Variants in NKPD1 observed in about 807,000 individuals in gnomAD.
NKPD1 encodes NTPase KAP family P-loop domain containing 1.
A neutral mutation model predicts 42.2 loss-of-function variants in NKPD1; 37 were observed. The observed-to-expected ratio is 0.88, with a 90% CI of 0.67 to 1.15. The LOEUF is 1.15. Ranked by LOEUF, NKPD1 falls within the 50% of genes most tolerant of loss-of-function variation. NKPD1 has a pLI of 0.00. For synonymous variants in NKPD1, 552 were observed against 536.5 expected (o/e 1.03, Z -0.40); for missense variants, 1,113 against 1,174.6 (o/e 0.95, Z 0.77).
In NKPD1 at chr19:45,149,767, T is replaced by G. The variant is rs1369345589; in HGVS notation, c.*2171A>C. ...TCTCAATGTCCTAACACAGGAGATG[T>G]TTATTGTCACATGTGGATGTTCAGA... On this transcript the variant is annotated 3_prime_UTR_variant, in exon 5 of 5. Coordinates refer to ENST00000686631, the MANE Select transcript of NKPD1 (RefSeq NM_198478.4). 2 of 152,244 alleles carry G rather than the reference T, an allele frequency of 1.3e-5. No individual in the cohort carries two copies. The highest frequency in any genetic ancestry group is 3.9e-4 in the East Asian group (2 of 5,174). 9.4% of individuals were successfully genotyped at this position (152,244 alleles called of 1,614,324 possible). A position where few individuals can be genotyped will look rare whatever the true frequency, so the allele number is the denominator to read the frequency against.
Position 45,152,400 on chromosome 19 carries a change from C to T in NKPD1, c.2037G>A (p.Gln679=), listed in dbSNP as rs880751. ...CGCGGCCCTCGGGCGCGCCCCCGGT[C>T]TGCTGCCGGTCCTCCAGGCACTGCA... ...WALQCLEDRQ[Q]TGGAPEGRAR... The change falls in exon 5 of 5, where the codon CAG becomes CAA. Residue 679 remains glutamine (Q), a synonymous_variant. Transcript: ENST00000686631. 1.7e-3 allele frequency: 2,746 copies of T among 1,576,042 alleles called. 34 individuals carry two copies. The African/African-American group carries it at 0.032, about 18-fold the overall frequency.
Position 45,152,991 on chromosome 19 carries a change from G to C in NKPD1, c.1446C>G (p.Asp482Glu), listed in dbSNP as rs572544333. ...VLNAINTLLS[D>E]SHAPFIFILV... ...GGATGAAGATGAAGGGCGCGTGGCT[G>C]TCGGACAGCAGCGTGTTGATGGCGT... Residue 482 changes from aspartate (D) to glutamate (E), a missense_variant, in exon 5 of 5, where the codon GAC (aspartate) becomes GAG (glutamate). Around this residue, in one of 3 missense-constraint regions of NKPD1, gnomAD observed 867 missense variants for 870.1 expected, o/e 1.00. Coordinates refer to ENST00000686631, the MANE Select transcript of NKPD1 (RefSeq NM_198478.4). 1 of 1,585,826 alleles carries C rather than the reference G, an allele frequency of 6.3e-7. No homozygotes were observed. The highest frequency in any genetic ancestry group is 2.3e-5 in the East Asian group (1 of 43,332).
At chr19:45,162,486 A>G (rs1969026666), upstream of NKPD1, among the ~76,000 whole-genome samples, 1 of 152,104 alleles carries the variant, frequency 6.6e-6, no homozygotes, top group Non-Finnish European at 1.5e-5. Flanking sequence ...GAGTCCCCAG[A>G]TGCTACAGAT....
In NKPD1 at chr19:45,153,321, C is replaced by A; in HGVS notation, c.1116G>T (p.Pro372=). Residue 372 remains proline (P), a synonymous_variant, in exon 5 of 5, where the codon CCG becomes CCT. Transcript: ENST00000686631. ...CAAACACCTTGAGCAGGCTGCCGCTCGGGCTGCCGTGGCCCAGCGCGTGGC... is the reference window on the plus strand; with the variant it reads ...CAAACACCTTGAGCAGGCTGCCGCTAGGGCTGCCGTGGCCCAGCGCGTGGC... ...LGGHALGHGS[P]SGSLLKVFGG... is the part of the protein sequence containing the mutation. 1.3e-6 allele frequency: 2 copies of A among 1,572,022 alleles called. No individual in the cohort carries two copies. Among genetic ancestry groups the A allele is most frequent in the East Asian group, 2.3e-5 (1 of 42,640 alleles).
In NKPD1 at chr19:45,150,682, T is replaced by C. The variant is rs910617786; in HGVS notation, c.*1256A>G. 6.6e-6 allele frequency: 1 copy of C among 152,272 alleles called. No homozygotes were observed. The allele number at this position is 152,272 out of a possible 1,614,324, so 9.4% of individuals were successfully genotyped here. A position where few individuals can be genotyped will look rare whatever the true frequency, so the allele number is the denominator to read the frequency against. Reference sequence around the variant, plus strand: ...GCTTGCCCAGCCCCAGGGAAGATCATAGAGGGCTCCCACTGACCTGCATGC... The same window carrying C: ...GCTTGCCCAGCCCCAGGGAAGATCACAGAGGGCTCCCACTGACCTGCATGC... On this transcript the variant is annotated 3_prime_UTR_variant, in exon 5 of 5. Coordinates refer to ENST00000686631, the MANE Select transcript of NKPD1 (RefSeq NM_198478.4).
At chr19:45,156,501 C>G (rs753464123) in intron 3 of NKPD1, among the ~76,000 whole-genome samples, 2 of 152,202 alleles carry the variant, frequency 1.3e-5, no homozygotes, top group African/African-American at 4.8e-5. Flanking sequence ...TCTGCAGACC[C>G]CAGGGAGAGC....
chr19:45,152,978 A>C lies in NKPD1; in HGVS notation c.1459T>G (p.Phe487Val), dbSNP rs1479927052. The C allele has an allele frequency of 6.3e-7, 1 of 1,585,594 alleles. No individual in the cohort carries two copies. The highest frequency in any genetic ancestry group is 1.8e-5 in the Admixed American group (1 of 56,566). The change falls in exon 5 of 5, where the codon TTC (phenylalanine) becomes GTC (valine). Residue 487 changes from phenylalanine (F) to valine (V), a missense_variant. Coordinates refer to ENST00000686631, the MANE Select transcript of NKPD1 (RefSeq NM_198478.4). ...GGGTCCACGACCAGGATGAAGATGA[A>C]GGGCGCGTGGCTGTCGGACAGCAGC... ...NTLLSDSHAP[F>V]IFILVVDPSI...
Position 45,151,613 on chromosome 19 carries a change from G to A in NKPD1, c.*325C>T. Reference sequence around the variant, plus strand: ...GGAGTAAGTGGGCTTAGCAGGATGGGGCAGGCCCTGTGGCAGGACGGGGCA... The same window carrying A: ...GGAGTAAGTGGGCTTAGCAGGATGGAGCAGGCCCTGTGGCAGGACGGGGCA... On this transcript the variant is annotated 3_prime_UTR_variant, in exon 5 of 5. Coordinates refer to ENST00000686631, the MANE Select transcript of NKPD1 (RefSeq NM_198478.4). 3.4e-6 allele frequency: 1 copy of A among 297,084 alleles called. No homozygotes were observed. The highest frequency in any genetic ancestry group is 6.2e-6 in the Non-Finnish European group (1 of 161,416). The allele number at this position is 297,084 out of a possible 1,614,324, so 18.4% of individuals were successfully genotyped here.
rs1433679376 is a variant in NKPD1 at position 45,152,653 on chromosome 19, C to A, written c.1784G>T (p.Arg595Leu). Residue 595 changes from arginine (R) to leucine (L), a missense_variant, in exon 5 of 5, where the codon CGG becomes CTG. Around this residue, in one of 3 missense-constraint regions of NKPD1, gnomAD observed 867 missense variants for 870.1 expected, o/e 1.00. Coordinates refer to ENST00000686631, the MANE Select transcript of NKPD1 (RefSeq NM_198478.4). The stretch of plus-strand genomic sequence containing the variant: ...GCAGAAGAGCGCCTCCTGGATTCGC[C>A]GCGCCGCCTCGTCGTCGATGCGGCC... ...GQGRIDDEAA[R>L]RIQEALFCLH... is the part of the protein sequence containing the mutation. 1 of 1,547,850 alleles carries A rather than the reference C, an allele frequency of 6.5e-7. No individual in the cohort carries two copies. Among genetic ancestry groups the A allele is most frequent in the Non-Finnish European group, 8.7e-7 (1 of 1,155,618 alleles).
In NKPD1 at chr19:45,153,556, G is replaced by A. The variant is rs1202321633; in HGVS notation, c.881C>T (p.Ala294Val). The A allele has an allele frequency of 1.3e-6, 2 of 1,552,090 alleles. No homozygotes were observed. The highest frequency in any genetic ancestry group is 8.7e-7 in the Non-Finnish European group (1 of 1,145,326). Residue 294 changes from alanine to valine, a missense_variant, in exon 5 of 5, where the codon GCC (alanine) becomes GTC (valine). Coordinates refer to ENST00000686631, the MANE Select transcript of NKPD1 (RefSeq NM_198478.4). ...WQYAGTDKLW[A>V]GLVTTLCEGI... Reference sequence around the variant, plus strand: ...CTCGCACAACGTGGTCACCAGGCCGGCCCACAGCTTGTCGGTGCCCGCGTA... The same window carrying A: ...CTCGCACAACGTGGTCACCAGGCCGACCCACAGCTTGTCGGTGCCCGCGTA...
chr19:45,161,479 C>T (rs1304238406), upstream of NKPD1, among the ~76,000 whole-genome samples: 1 of 152,248 alleles, frequency 6.6e-6, no homozygotes, highest in Non-Finnish European at 1.5e-5. Context: ...ACAGCACACA[C>T]ATCAAGGCTT....
At chr19:45,160,364 G>A (rs1196400776) in intron 1 of NKPD1, among the ~76,000 whole-genome samples, 143 bp from the exon 2 acceptor site, 1 of 152,194 alleles carries the variant, frequency 6.6e-6, no homozygotes, top group African/African-American at 2.4e-5. Flanking sequence ...GTACAGTGAG[G>A]GGCAGGATAA....
At position 45,151,052 on chromosome 19, in the gene NKPD1, C is replaced by G. The variant is rs1369420462; in HGVS notation, c.*886G>C. ...TCAGGAACTGCCCAGAGGAGTGACA[C>G]CCACCCCCAGCCCAGGGCTCTGCCC... On this transcript the variant is annotated 3_prime_UTR_variant, in exon 5 of 5. Coordinates refer to ENST00000686631, the MANE Select transcript of NKPD1 (RefSeq NM_198478.4). 1 of 152,498 alleles carries G rather than the reference C, an allele frequency of 6.6e-6. No homozygotes were observed. The highest frequency in any genetic ancestry group is 1.9e-4 in the East Asian group (1 of 5,194). The allele number at this position is 152,498 out of a possible 1,614,324, so 9.4% of individuals were successfully genotyped here. A position where few individuals can be genotyped will look rare whatever the true frequency, so the allele number is the denominator to read the frequency against.
rs1968751611 is a variant in NKPD1 at position 45,150,017 on chromosome 19, C to G, written c.*1921G>C. On this transcript the variant is annotated 3_prime_UTR_variant, in exon 5 of 5. Coordinates refer to ENST00000686631, the MANE Select transcript of NKPD1 (RefSeq NM_198478.4). ...ACGGTCCCGTGGCTTTACACAGGTG[C>G]AAGTTCTCATAGCAGCTCCACGTGA... 1 of 152,212 alleles carries G rather than the reference C, an allele frequency of 6.6e-6. No individual in the cohort carries two copies. The highest frequency in any genetic ancestry group is 2.1e-4 in the South Asian group (1 of 4,832). The allele number at this position is 152,212 out of a possible 1,614,324, so 9.4% of individuals were successfully genotyped here.
chr19:45,159,660 C>T (rs1382516438), intron 2 of NKPD1, among the ~76,000 whole-genome samples: 1 of 152,102 alleles, frequency 6.6e-6, no homozygotes, highest in African/African-American at 2.4e-5. Context: ...CTGCCCCCTC[C>T]CCACCCTGAA....
In NKPD1 at chr19:45,152,753, G is replaced by A; in HGVS notation, c.1684C>T (p.Leu562=). ...LYREMTRKPW[L]PGDAGGESAQ... The stretch of plus-strand genomic sequence containing the variant: ...CTCTCGCCCCCGGCGTCCCCCGGCA[G>A]CCACGGCTTGCGCGTCATCTCGCGG... Residue 562 remains leucine, a synonymous_variant, in exon 5 of 5, where the codon CTG becomes TTG. Transcript: ENST00000686631. The A allele has an allele frequency of 6.3e-7, 1 of 1,594,002 alleles. No individual in the cohort carries two copies.
rs151277143 is a variant in NKPD1 at position 45,156,302 on chromosome 19, C to T, written c.530-386G>A. 7.0e-3 allele frequency among the ~76,000 whole-genome samples: 1,070 copies of T among 152,318 alleles called. 11 individuals carry two copies. The highest frequency in any genetic ancestry group is 0.024 in the African/African-American group (983 of 41,578). On this transcript the variant is annotated intron_variant, in intron 3 of 4. Coordinates refer to ENST00000686631, the MANE Select transcript of NKPD1 (RefSeq NM_198478.4). Reference sequence around the variant, plus strand: ...CCTCAGATGCCAAGACACCACTTTCCACCATCAGCAGGACTCCAGGCCACT... The same window carrying T: ...CCTCAGATGCCAAGACACCACTTTCTACCATCAGCAGGACTCCAGGCCACT...
Position 45,153,747 on chromosome 19 carries a change from G to T in NKPD1, c.690C>A (p.Arg230=). The part of the protein sequence containing the change: ...TALMQQEAAQ[R]ESEELQHVQW... ...GCACGTGCTGCAGCTCCTCGCTCTCGCGCTGCGCGGCCTCCTGCTGCATCA... is the reference window on the plus strand; with the variant it reads ...GCACGTGCTGCAGCTCCTCGCTCTCTCGCTGCGCGGCCTCCTGCTGCATCA... Residue 230 remains arginine, a synonymous_variant, in exon 5 of 5, where the codon CGC becomes CGA. Transcript: ENST00000686631. The T allele has an allele frequency of 5.3e-6, 8 of 1,503,342 alleles. No individual in the cohort carries two copies. Among genetic ancestry groups the T allele is most frequent in the Non-Finnish European group, 7.2e-6 (8 of 1,118,832 alleles). The allele number at this position is 1,503,342 out of a possible 1,614,324, so 93.1% of individuals were successfully genotyped here.
intron 4 of NKPD1, among the ~76,000 whole-genome samples, chr19:45,154,203 T>C (rs926889128): frequency 3.3e-5 from 5 of 152,152 alleles, no homozygotes; most frequent in African/African-American, 1.2e-4. Context: ...GAGGAGGAGC[T>C]ATGCTAGGCA....
Sources: allele counts gnomAD v4.1 joint callset (sites outside exome capture counted in the v4.1 genomes callset), GRCh38; gene constraint gnomAD v4.1.1; regional missense constraint gnomAD v4.1.1; transcripts MANE v1.5; gene names NCBI Gene and HGNC (gene_info 2026-07-23, HGNC 2026-07-21).